Variants in PSMD14 observed in about 807,000 individuals in gnomAD.
The protein encoded by PSMD14 is ubiquitin C-terminal hydrolase PSMD14.
PSMD14 carries 7 observed loss-of-function variants against 41.2 expected under a neutral mutation model. The ratio of observed to expected loss-of-function variants is 0.17; its 90% CI spans 0.10 to 0.32. The LOEUF (loss-of-function observed/expected upper bound fraction) is 0.32. Among genes scored for constraint, PSMD14 ranks in the 10% least tolerant of loss-of-function variants. The probability of loss-of-function intolerance (pLI) is 1.00; values close to 1 mark genes in which losing one functional copy is unlikely to be tolerated. For missense variants in PSMD14, 139 were observed against 375.6 expected (o/e 0.37, Z 5.21); for synonymous variants, 114 against 122.3 (o/e 0.93, Z 0.45).
At chr2:161,401,025 A>G (rs964496033) in intron 10 of PSMD14, among the ~76,000 whole-genome samples, 1 of 152,236 alleles carries the variant, frequency 6.6e-6, no homozygotes, top group Non-Finnish European at 1.5e-5. Flanking sequence ...AAGAAAGTTG[A>G]ATTGCTTGAT....
At chr2:161,333,044 C>G (rs1471928133) in intron 3 of PSMD14, among the ~76,000 whole-genome samples, 1 of 152,176 alleles carries the variant, frequency 6.6e-6, no homozygotes, top group African/African-American at 2.4e-5. Flanking sequence ...ACGTGTACCC[C>G]TTGTGTGAAA....
At chr2:161,328,118 C>T (rs1384033688) in intron 3 of PSMD14, among the ~76,000 whole-genome samples, 3 of 152,008 alleles carry the variant, frequency 2.0e-5, no homozygotes, top group African/African-American at 7.2e-5. Context: ...TTGACAATAT[C>T]TAGTAAAGTT....
At chr2:161,381,284 G>GA (rs2105262466) in intron 7 of PSMD14, 1 of 150,416 alleles carries the variant, frequency 6.6e-6, no homozygotes, top group East Asian at 2.0e-4. Context: ...ATAGTGAGCT[G>GA]ACTTGAGGTT....
At chr2:161,331,976 C>T (rs1010249287) in intron 3 of PSMD14, among the ~76,000 whole-genome samples, 8 of 152,160 alleles carry the variant, frequency 5.3e-5, no homozygotes, top group African/African-American at 1.9e-4. Context: ...TCTGATGTCC[C>T]AGCCTATTTA....
intron 3 of PSMD14, among the ~76,000 whole-genome samples, chr2:161,338,349 T>G (rs1315567376): frequency 1.3e-5 from 2 of 151,900 alleles, no homozygotes; most frequent in Non-Finnish European, 2.9e-5. Context: ...GAGTTTTTTT[T>G]TTTTTTTTTG....
chr2:161,396,247 A>G (rs1683792122), intron 10 of PSMD14, among the ~76,000 whole-genome samples: 1 of 152,226 alleles, frequency 6.6e-6, no homozygotes. Flanking sequence ...TAGAAAAGGC[A>G]TAGAACAGAT....
rs1268803464 is a variant in PSMD14 at position 161,327,981 on chromosome 2, T to TGTGTGTGTGTGTGA, written c.48+9111_48+9112insTGTGTGTGTGAGTG. Reference sequence around the variant, plus strand: ...GTGTGTGTGTGTGTGTGTGTGTGTGTGTGAGATGTTGGTTAGGAATTATAG... The same window carrying TGTGTGTGTGTGTGA: ...GTGTGTGTGTGTGTGTGTGTGTGTGTGTGTGTGTGTGTGAGTGAGATGTTGGTTAGGAATTATAG... On this transcript the variant is annotated intron_variant, in intron 3 of 11. Coordinates refer to ENST00000409682, the MANE Select transcript of PSMD14 (RefSeq NM_005805.6). 1.8e-3 allele frequency among the ~76,000 whole-genome samples: 270 copies of TGTGTGTGTGTGTGA among 149,012 alleles called. 1 individual carries two copies. Among genetic ancestry groups the TGTGTGTGTGTGTGA allele is most frequent in the African/African-American group, 6.6e-3 (260 of 39,476 alleles).
rs1387747482 is a variant in PSMD14, at chr2:161,385,644, G to A, written c.570+73G>A. On this transcript the variant is annotated intron_variant, in intron 8 of 11. Transcript: ENST00000409682. ...AGCCTGCTATAAGTAGTCTTTTTAAGTTCTAATTCTTAGCATTTTAATTTG... is the reference window on the plus strand; with the variant it reads ...AGCCTGCTATAAGTAGTCTTTTTAAATTCTAATTCTTAGCATTTTAATTTG... The A allele has an allele frequency of 1.1e-5, 9 of 802,316 alleles. No homozygotes were observed. In the East Asian group the frequency reaches 2.2e-4, roughly 20 times the overall value. The allele number at this position is 802,316 out of a possible 1,614,324, so 49.7% of individuals were successfully genotyped here. A position where few individuals can be genotyped will look rare whatever the true frequency, so the allele number is the denominator to read the frequency against.
chr2:161,347,548 C>T (rs1440115065), intron 3 of PSMD14, among the ~76,000 whole-genome samples: 2 of 152,172 alleles, frequency 1.3e-5, no homozygotes, highest in Non-Finnish European at 2.9e-5. Flanking sequence ...TTAAGAAAAT[C>T]TGTTCAAATT....
intron 10 of PSMD14, among the ~76,000 whole-genome samples, chr2:161,405,813 T>A (rs1358577757): frequency 1.3e-5 from 2 of 152,052 alleles, no homozygotes; most frequent in Non-Finnish European, 2.9e-5. Context: ...TTAAATGGGA[T>A]CATGGCATGT....
At chr2:161,326,681 A>G (rs997422723) in intron 3 of PSMD14, among the ~76,000 whole-genome samples, 1 of 152,182 alleles carries the variant, frequency 6.6e-6, no homozygotes, top group Non-Finnish European at 1.5e-5. Flanking sequence ...GAATGGATAA[A>G]TAAAATGCAT....
At chr2:161,409,220 A>G (rs1683993880) in intron 11 of PSMD14, among the ~76,000 whole-genome samples, 1 of 152,096 alleles carries the variant, frequency 6.6e-6, no homozygotes, top group South Asian at 2.1e-4. Flanking sequence ...GGGTAGATTT[A>G]TTTCATGTGT....
chr2:161,321,628 A>C (rs1682609920), intron 3 of PSMD14, among the ~76,000 whole-genome samples: 2 of 152,186 alleles, frequency 1.3e-5, no homozygotes, highest in Non-Finnish European at 2.9e-5. Context: ...TTGGACTGAC[A>C]CTTTAACCTG....
At chr2:161,379,955 T>A (rs1014081938) in intron 7 of PSMD14, among the ~76,000 whole-genome samples, 3 of 152,002 alleles carry the variant, frequency 2.0e-5, no homozygotes, top group African/African-American at 7.2e-5. Flanking sequence ...TATGACCTGG[T>A]GTGAATGCCC....
intron 3 of PSMD14, among the ~76,000 whole-genome samples, chr2:161,354,707 A>G (rs998883082): frequency 6.6e-6 from 1 of 152,208 alleles, no homozygotes; most frequent in Non-Finnish European, 1.5e-5. Context: ...CATTTTTTAA[A>G]TAGGTGAAAA....
At chr2:161,333,775 G>A (rs1682828589) in intron 3 of PSMD14, among the ~76,000 whole-genome samples, 1 of 152,218 alleles carries the variant, frequency 6.6e-6, no homozygotes, top group Non-Finnish European at 1.5e-5. Context: ...GCTCACGCCT[G>A]TAATCCCAGC....
At chr2:161,342,295 G>A (rs1241502405) in intron 3 of PSMD14, among the ~76,000 whole-genome samples, 1 of 152,024 alleles carries the variant, frequency 6.6e-6, no homozygotes, top group African/African-American at 2.4e-5. Flanking sequence ...CTCTTTATCA[G>A]GTTGAAGAAG....
chr2:161,311,428 T>C (rs1689086040), intron 1 of PSMD14, among the ~76,000 whole-genome samples: 1 of 152,140 alleles, frequency 6.6e-6, no homozygotes, highest in Non-Finnish European at 1.5e-5. Context: ...TTATTATGAG[T>C]AATCTAAAAA....
At chr2:161,389,785 GC>G (rs1408592707) in intron 8 of PSMD14, among the ~76,000 whole-genome samples, 1 of 151,454 alleles carries the variant, frequency 6.6e-6, no homozygotes, top group African/African-American at 2.4e-5. Context: ...AAGAACATAG[GC>G]TATGGAATCA....
Sources: gnomAD v4.1 joint callset for allele counts (sites outside exome capture counted in the v4.1 genomes callset) on GRCh38, gnomAD v4.1.1 for gene constraint, MANE v1.5 for transcripts, NCBI Gene and HGNC (gene_info 2026-07-23, HGNC 2026-07-21) for gene names.